KCNQ1: variants seen among roughly 807,000 people sequenced by gnomAD.
KCNQ1 encodes the protein potassium voltage-gated channel subfamily KQT member 1.
A neutral mutation model predicts 72.4 loss-of-function variants in KCNQ1; 49 were observed. The observed-to-expected ratio is 0.68, with a 90% confidence interval of 0.54 to 0.86. The LOEUF (loss-of-function observed/expected upper bound fraction) is 0.86, where lower values mean the gene tolerates loss of function less well. KCNQ1 is among the 40% of genes least tolerant of loss of function. KCNQ1 has a pLI of 0.00. For synonymous variants in KCNQ1, 450 were observed against 412.6 expected (o/e 1.09, Z -1.10); for missense variants, 790 against 945.1 (o/e 0.84, Z 2.15).
At position 2,803,178 on chromosome 11, in the gene KCNQ1, G is replaced by A. The variant is rs1283575892; in HGVS notation, c.1794+25141G>A. On this transcript the variant is annotated intron_variant, in intron 15 of 15. Transcript: ENST00000155840. This position sits in a 1 kb window ranked among gnomAD's most constrained non-coding sequence, Gnocchi z 6.4. ...GGCCCCCCCCCCCACGGGCACCCAG[G>A]AACCGCCCTGGCTTTGCTGGAGGAC... 2.0e-5 allele frequency among the ~76,000 whole-genome samples: 3 copies of A among 151,848 alleles called. No homozygotes were observed. Among genetic ancestry groups the A allele is most frequent in the African/African-American group, 4.8e-5 (2 of 41,286 alleles).
Position 2,645,799 on chromosome 11 carries a change from T to C in KCNQ1, c.1394-16162T>C. 2.5e-6 allele frequency: 1 copy of C among 398,416 alleles called. No homozygotes were observed. Among genetic ancestry groups the C allele is most frequent in the Non-Finnish European group, 4.4e-6 (1 of 226,102 alleles). 24.7% of individuals were successfully genotyped at this position (398,416 alleles called of 1,614,324 possible). On this transcript the variant is annotated intron_variant, in intron 10 of 15. Transcript: ENST00000155840. This position sits in a 1 kb window ranked among gnomAD's most constrained non-coding sequence, Gnocchi z 5.8. ...CACAGCAGATGCAGTCTGGTGGGGG[T>C]TGGGCTATCAAAATGGGACTTTCCT... is the stretch of plus-strand genomic sequence containing the variant.
At chr11:2,523,064 G>A (rs1171294464) in intron 1 of KCNQ1, among the ~76,000 whole-genome samples, 2 of 152,222 alleles carry the variant, frequency 1.3e-5, no homozygotes, top group Non-Finnish European at 2.9e-5. Context: ...TGGAATCCGC[G>A]CCATGAAGCC....
chr11:2,705,238 T>C (rs1373708303), intron 11 of KCNQ1, among the ~76,000 whole-genome samples: 1 of 152,186 alleles, frequency 6.6e-6, no homozygotes, highest in Non-Finnish European at 1.5e-5. Context: ...GGGTCAGTGA[T>C]AACGTGAGGC....
At chr11:2,577,244 C>T (rs1255818385) in intron 6 of KCNQ1, among the ~76,000 whole-genome samples, 1 of 152,202 alleles carries the variant, frequency 6.6e-6, no homozygotes, top group Non-Finnish European at 1.5e-5. Context: ...CTCTCTGTCA[C>T]AGTCAGGAGC....
intron 1 of KCNQ1, chr11:2,461,769 G>A (rs1846282208): frequency 7.5e-7 from 1 of 1,338,758 alleles, no homozygotes; most frequent in South Asian, 1.2e-5. Flanking sequence ...CAGGTGGATG[G>A]GGGGCTGAAT....
chr11:2,657,161 C>T lies in KCNQ1; in HGVS notation c.1394-4800C>T. 1 of 398,632 alleles carries T rather than the reference C, an allele frequency of 2.5e-6. No homozygotes were observed. The highest frequency in any genetic ancestry group is 4.4e-6 in the Non-Finnish European group (1 of 226,052). 24.7% of individuals were successfully genotyped at this position (398,632 alleles called of 1,614,324 possible). ...GTACTGATGTTTGGTACAGCAAGTT[C>T]TCCCACCTTGTTCTTCTTCAAGAAT... On this transcript the variant is annotated intron_variant, in intron 10 of 15. Transcript: ENST00000155840. This position sits in a 1 kb window ranked among gnomAD's most constrained non-coding sequence, Gnocchi z 4.8.
chr11:2,715,385 G>A lies in KCNQ1; in HGVS notation c.1514+53304G>A, dbSNP rs1173594713. Among the ~76,000 whole-genome samples, 1 of 152,130 alleles carries A rather than the reference G, an allele frequency of 6.6e-6. No individual in the cohort carries two copies. Among genetic ancestry groups the A allele is most frequent in the African/African-American group, 2.4e-5 (1 of 41,422 alleles). On this transcript the variant is annotated intron_variant, in intron 11 of 15. Coordinates refer to ENST00000155840, the MANE Select transcript of KCNQ1 (RefSeq NM_000218.3). The surrounding 1 kb of genome is among the most constrained non-coding windows in gnomAD (Gnocchi z 4.9). ...GACAGAGCAGGCAGGAGTGGGGCAG[G>A]AGGGGGCTTTGCAGATTACCCAGAC...
chr11:2,604,185 A>T (rs931250607), intron 10 of KCNQ1, among the ~76,000 whole-genome samples: 1 of 151,908 alleles, frequency 6.6e-6, no homozygotes, highest in Non-Finnish European at 1.5e-5. Context: ...CATGAAAGAG[A>T]TATGAAAGGC....
At chr11:2,820,466 C>G (rs900482972) in intron 15 of KCNQ1, among the ~76,000 whole-genome samples, 1 of 152,022 alleles carries the variant, frequency 6.6e-6, no homozygotes, top group Non-Finnish European at 1.5e-5. Flanking sequence ...TTTCTGTGAC[C>G]TTTTTGTATA....
At position 2,846,273 on chromosome 11, in the gene KCNQ1, T is replaced by C. The variant is rs74622451; in HGVS notation, c.1795-1494T>C. Among the ~76,000 whole-genome samples, 268 of 152,316 alleles carry C rather than the reference T, an allele frequency of 1.8e-3. 1 individual carries two copies. The highest frequency in any genetic ancestry group is 5.4e-3 in the African/African-American group (223 of 41,570). On this transcript the variant is annotated intron_variant, in intron 15 of 15. Transcript: ENST00000155840. ...TGACGTTGCTGTGGCTGAGTCATCT[T>C]CGTGCCTCTCTCTGGAGCCATACGT...
rs923806214 is a variant in KCNQ1, at chr11:2,585,395, A to T, written c.1128+88A>T. 5.1e-6 allele frequency: 6 copies of T among 1,179,678 alleles called. No individual in the cohort carries two copies. In the African/African-American group the frequency reaches 9.0e-5, roughly 18 times the overall value. 73.1% of individuals were successfully genotyped at this position (1,179,678 alleles called of 1,614,324 possible). A position where few individuals can be genotyped will look rare whatever the true frequency, so the allele number is the denominator to read the frequency against. On this transcript the variant is annotated intron_variant, in intron 8 of 15. Coordinates refer to ENST00000155840, the MANE Select transcript of KCNQ1 (RefSeq NM_000218.3). ...CTCACGGCCACCTGTCAGAACCATCATTGGCCCCTGCATCAGCTTGGCTGG... is the reference window on the plus strand; with the variant it reads ...CTCACGGCCACCTGTCAGAACCATCTTTGGCCCCTGCATCAGCTTGGCTGG...
chr11:2,826,525 GC>G lies in KCNQ1; in HGVS notation c.1795-21237del, dbSNP rs1847844739. On this transcript the variant is annotated intron_variant, in intron 15 of 15. Coordinates refer to ENST00000155840, the MANE Select transcript of KCNQ1 (RefSeq NM_000218.3). This position sits in a 1 kb window ranked among gnomAD's most constrained non-coding sequence, Gnocchi z 4.2. ...GGCCGGTGTGGGAGCACTTTCCCCC[GC>G]CCCCTCCTGCTGCTGCTTCCCCGAA... Among the ~76,000 whole-genome samples the G allele has an allele frequency of 2.0e-5, 3 of 152,146 alleles. No homozygotes were observed. The highest frequency in any genetic ancestry group is 4.4e-5 in the Non-Finnish European group (3 of 68,026).
At chr11:2,619,336 T>G in intron 10 of KCNQ1, 1 of 398,552 alleles carries the variant, frequency 2.5e-6, no homozygotes. Context: ...TTCGTTATAT[T>G]GAGGAGTGTT....
intron 11 of KCNQ1, among the ~76,000 whole-genome samples, chr11:2,739,483 A>G (rs1846013658): frequency 6.6e-6 from 1 of 152,236 alleles, no homozygotes; most frequent in Non-Finnish European, 1.5e-5. Context: ...GGTGGGCAAC[A>G]TTTTTATTAC....
intron 2 of KCNQ1, among the ~76,000 whole-genome samples, chr11:2,561,862 T>TCGGG (rs2133710911): frequency 6.6e-6 from 1 of 150,508 alleles, no homozygotes; most frequent in South Asian, 2.1e-4. Flanking sequence ...GGGCAGGGCC[T>TCGGG]TGGGTGGCCA....
rs1846580861 is a variant in KCNQ1 at position 2,477,156 on chromosome 11, C to A, written c.386+31672C>A. Among the ~76,000 whole-genome samples, 1 of 152,204 alleles carries A rather than the reference C, an allele frequency of 6.6e-6. No individual in the cohort carries two copies. Among genetic ancestry groups the A allele is most frequent in the East Asian group, 1.9e-4 (1 of 5,200 alleles). On this transcript the variant is annotated intron_variant, in intron 1 of 15. Transcript: ENST00000155840. This position sits in a 1 kb window ranked among gnomAD's most constrained non-coding sequence, Gnocchi z 5.0. ...TGAACCCTCATCAGAACGTCCACAG[C>A]TGACGGTGAACACATTGGCAGGTGA...
rs765842704 is a variant in KCNQ1 at position 2,824,497 on chromosome 11, C to T, written c.1795-23270C>T. ...CAGGGCCTGAAAGGTTCTGAGGTGT[C>T]CACGTGGAGGTGTTTGCCCGGCAGT... On this transcript the variant is annotated intron_variant, in intron 15 of 15. Coordinates refer to ENST00000155840, the MANE Select transcript of KCNQ1 (RefSeq NM_000218.3). The surrounding 1 kb of genome is among the most constrained non-coding windows in gnomAD (Gnocchi z 5.9). Among the ~76,000 whole-genome samples, 30 of 152,196 alleles carry T rather than the reference C, an allele frequency of 2.0e-4. No individual in the cohort carries two copies. Among genetic ancestry groups the T allele is most frequent in the Admixed American group, 3.9e-4 (6 of 15,298 alleles).
intron 15 of KCNQ1, among the ~76,000 whole-genome samples, chr11:2,812,788 C>T (rs1207661080): frequency 6.6e-6 from 1 of 152,268 alleles, no homozygotes; most frequent in African/African-American, 2.4e-5. Context: ...CCCATGCCTG[C>T]CCTTGCAACA....
In KCNQ1 at chr11:2,572,956, C is replaced by A. The variant is rs772710737; in HGVS notation, c.891C>A (p.Gly297=). The change falls in exon 6 of 16, where the codon GGC becomes GGA. Residue 297 remains glycine, a synonymous_variant. Transcript: ENST00000155840. The part of the protein sequence containing the change: ...AVNESGRVEF[G]SYADALWWGV... Reference sequence around the variant, plus strand: ...ACGAGTCAGGCCGCGTGGAGTTCGGCAGCTACGCAGATGCGCTGTGGTGGG... The same window carrying A: ...ACGAGTCAGGCCGCGTGGAGTTCGGAAGCTACGCAGATGCGCTGTGGTGGG... 3 of 1,613,814 alleles carry A rather than the reference C, an allele frequency of 1.9e-6. No individual in the cohort carries two copies. In the Admixed American group the frequency reaches 5.0e-5, roughly 27 times the overall value.
Sources: allele counts gnomAD v4.1 joint callset (sites outside exome capture counted in the v4.1 genomes callset), GRCh38; gene constraint gnomAD v4.1.1; non-coding constraint Gnocchi (gnomAD v3.1); transcripts MANE v1.5; gene names NCBI Gene and HGNC (gene_info 2026-07-23, HGNC 2026-07-21).